KIAA1217: variants seen among roughly 807,000 people sequenced by gnomAD.
KIAA1217 encodes the protein sickle tail protein homolog.
KIAA1217 carries 88 observed loss-of-function variants against 163.9 expected under a neutral mutation model. The ratio of observed to expected loss-of-function variants is 0.54; its 90% CI spans 0.45 to 0.64. The LOEUF (loss-of-function observed/expected upper bound fraction) is 0.64, where lower values mean the gene tolerates loss of function less well. KIAA1217 is among the 30% of genes least tolerant of loss of function. KIAA1217 has a pLI of 0.00. For synonymous variants in KIAA1217, 903 were observed against 923.1 expected (o/e 0.98, Z 0.39); for missense variants, 2,372 against 2,475.0 (o/e 0.96, Z 0.88).
At chr10:24,347,025 A>G (rs2047879562) in intron 2 of KIAA1217, among the ~76,000 whole-genome samples, 1 of 152,208 alleles carries the variant, frequency 6.6e-6, no homozygotes, top group Non-Finnish European at 1.5e-5. Flanking sequence ...GTGTTAAGGT[A>G]TATAAGAGTA....
intron 2 of KIAA1217, among the ~76,000 whole-genome samples, chr10:24,115,487 C>T (rs1024612568): frequency 6.6e-6 from 1 of 152,096 alleles, no homozygotes; most frequent in Non-Finnish European, 1.5e-5. Flanking sequence ...AAGGCCAGGC[C>T]AAAAACTGTC....
chr10:24,529,240 G>T (rs1213758498), intron 14 of KIAA1217, among the ~76,000 whole-genome samples: 1 of 152,116 alleles, frequency 6.6e-6, no homozygotes, highest in East Asian at 1.9e-4. Flanking sequence ...CAAAATCTGA[G>T]GACGTTCCAG....
intron 2 of KIAA1217, among the ~76,000 whole-genome samples, chr10:24,342,935 G>A (rs965137713): frequency 6.6e-6 from 1 of 152,098 alleles, no homozygotes; most frequent in Non-Finnish European, 1.5e-5. Flanking sequence ...GGGATTACAG[G>A]CGTGAGCCAC....
intron 2 of KIAA1217, among the ~76,000 whole-genome samples, chr10:24,358,365 C>T (rs1010672886): frequency 2.0e-5 from 3 of 152,142 alleles, no homozygotes; most frequent in African/African-American, 4.8e-5. Flanking sequence ...TGGGTCAACT[C>T]TTCCCAGGCA....
intron 1 of KIAA1217, among the ~76,000 whole-genome samples, chr10:23,874,402 C>A (rs531131919): frequency 5.2e-4 from 79 of 152,138 alleles, no homozygotes; most frequent in African/African-American, 1.8e-3. Flanking sequence ...GACCAGAATG[C>A]TGGCTCTGCA....
intron 12 of KIAA1217, 69 bp downstream of exon 12, chr10:24,521,998 T>G: frequency 1.3e-6 from 2 of 1,537,938 alleles, no homozygotes; most frequent in South Asian, 2.3e-5. Flanking sequence ...GAGTGGACGT[T>G]TGGGACTTCA....
intron 8 of KIAA1217, among the ~76,000 whole-genome samples, chr10:24,496,263 G>A (rs138655116): frequency 7.2e-4 from 110 of 152,310 alleles, no homozygotes; most frequent in Non-Finnish European, 1.3e-3. Context: ...TGATCCTGAC[G>A]GGATTTGTTG....
In KIAA1217 at chr10:23,959,718, A is replaced by G. The variant is rs573820143; in HGVS notation, c.-320-47507A>G. 1.4e-3 allele frequency among the ~76,000 whole-genome samples: 216 copies of G among 152,106 alleles called. 6 individuals are homozygous for G. The South Asian group carries it at 0.043, about 30-fold the overall frequency. ...GGTATGACTGGACAAAGTGGGTAAG[A>G]TCTATTGTCCAATCTTATTGTTAAT... On this transcript the variant is annotated intron_variant, in intron 1 of 18. Transcript: ENST00000376462.
intron 2 of KIAA1217, among the ~76,000 whole-genome samples, chr10:24,225,781 T>A (rs1161674523): frequency 6.6e-6 from 1 of 152,246 alleles, no homozygotes; most frequent in Non-Finnish European, 1.5e-5. Flanking sequence ...TTGCATTACA[T>A]ATATTTTTTA....
intron 2 of KIAA1217, among the ~76,000 whole-genome samples, chr10:24,055,966 A>T (rs1348296946): frequency 6.6e-6 from 1 of 152,062 alleles, no homozygotes; most frequent in African/African-American, 2.4e-5. Context: ...TTAAAAAAAA[A>T]AAAATACCCC....
At chr10:24,225,269 C>T (rs2070360305) in intron 2 of KIAA1217, among the ~76,000 whole-genome samples, 1 of 152,104 alleles carries the variant, frequency 6.6e-6, no homozygotes, top group Admixed American at 6.5e-5. Context: ...ACTACAGGCA[C>T]ACGTCACCAC....
chr10:24,238,502 A>G (rs2072590783), intron 2 of KIAA1217, among the ~76,000 whole-genome samples: 1 of 152,218 alleles, frequency 6.6e-6, no homozygotes, highest in South Asian at 2.1e-4. Flanking sequence ...GGTAATTTAC[A>G]TAAACTAGGA....
chr10:24,226,860 T>G (rs76350443), intron 2 of KIAA1217, among the ~76,000 whole-genome samples: 217 of 152,202 alleles, frequency 1.4e-3, no homozygotes, highest in African/African-American at 4.7e-3. Context: ...ATGCTATTTT[T>G]TATGTCTTCA....
intron 2 of KIAA1217, among the ~76,000 whole-genome samples, chr10:24,166,196 T>G (rs1263206100): frequency 6.6e-6 from 1 of 152,064 alleles, no homozygotes; most frequent in Non-Finnish European, 1.5e-5. Context: ...CATTTCCTCC[T>G]TCCTTGATAA....
chr10:24,119,051 C>A (rs917862307), intron 2 of KIAA1217, among the ~76,000 whole-genome samples: 2 of 151,998 alleles, frequency 1.3e-5, no homozygotes, highest in Non-Finnish European at 2.9e-5. Flanking sequence ...GATTTGCCAA[C>A]TCATAAATTA....
chr10:24,303,228 C>T (rs1483092423), intron 2 of KIAA1217, among the ~76,000 whole-genome samples: 1 of 151,952 alleles, frequency 6.6e-6, no homozygotes, highest in Non-Finnish European at 1.5e-5. Flanking sequence ...GATGCCCAGG[C>T]TGGTTTCAAA....
At chr10:24,226,899 C>T (rs2070638859) in intron 2 of KIAA1217, among the ~76,000 whole-genome samples, 1 of 152,032 alleles carries the variant, frequency 6.6e-6, no homozygotes, top group Admixed American at 6.5e-5. Flanking sequence ...TGGCTTCTTA[C>T]TTGCAGAAAC....
At chr10:23,763,564 G>C (rs920760642) in intron 1 of KIAA1217, among the ~76,000 whole-genome samples, 4 of 152,146 alleles carry the variant, frequency 2.6e-5, no homozygotes, top group Non-Finnish European at 5.9e-5. Context: ...AACTGAAACT[G>C]GTCCCCTTCC....
intron 2 of KIAA1217, among the ~76,000 whole-genome samples, chr10:24,098,928 G>T (rs1261639901): frequency 6.6e-6 from 1 of 152,142 alleles, no homozygotes; most frequent in East Asian, 1.9e-4. Context: ...AGGCTGCAGT[G>T]AGCTGTGATT....
Sources: gnomAD v4.1 joint callset for allele counts (sites outside exome capture counted in the v4.1 genomes callset) on GRCh38, gnomAD v4.1.1 for gene constraint, MANE v1.5 for transcripts, NCBI Gene and HGNC (gene_info 2026-07-23, HGNC 2026-07-21) for gene names.